BCKDHB: variants seen among roughly 807,000 people sequenced by gnomAD.
BCKDHB encodes 2-oxoisovalerate dehydrogenase subunit beta, mitochondrial.
BCKDHB carries 41 observed loss-of-function variants against 48.5 expected under a neutral mutation model. That is an observed-to-expected ratio of 0.85 (90% CI 0.66 to 1.10). The LOEUF is 1.10. Ranked by LOEUF, BCKDHB falls within the 50% of genes least tolerant of loss-of-function variation. BCKDHB has a pLI of 0.00. For missense variants in BCKDHB, 496 were observed against 494.2 expected (o/e 1.00, Z -0.03); for synonymous variants, 201 against 174.8 (o/e 1.15, Z -1.18).
chr6:80,206,888 A>T (rs1369105488), intron 8 of BCKDHB, among the ~76,000 whole-genome samples: 1 of 152,076 alleles, frequency 6.6e-6, no homozygotes, highest in African/African-American at 2.4e-5. Flanking sequence ...AAGCTTTGTT[A>T]ACTTTTAAGA....
intron 6 of BCKDHB, among the ~76,000 whole-genome samples, chr6:80,198,645 T>A (rs2127819093): frequency 6.6e-6 from 1 of 152,264 alleles, no homozygotes. Flanking sequence ...GGAAATATGG[T>A]CAAGTATATT....
At chr6:80,415,656 TGCTGGATTC>T in the BCKDHB span, among the ~76,000 whole-genome samples, 1 of 152,178 alleles carries the variant, frequency 6.6e-6, no homozygotes. Flanking sequence ...TTTGGTGTGT[TGCTGGATTC>T]GCCAGGCCAG....
chr6:80,365,070 G>A, the BCKDHB span, among the ~76,000 whole-genome samples: 1 of 151,872 alleles, frequency 6.6e-6, no homozygotes, highest in Non-Finnish European at 1.5e-5. Context: ...TGCTTCAAAG[G>A]GCAAAAAGCA....
At chr6:80,307,771 A>C (rs1481529403) in intron 9 of BCKDHB, 3 of 983,312 alleles carry the variant, frequency 3.1e-6, no homozygotes, top group African/African-American at 1.7e-5. Flanking sequence ...TGAAGCACAC[A>C]CTTCATAATG....
chr6:80,294,610 G>A (rs1006540933), intron 9 of BCKDHB, among the ~76,000 whole-genome samples: 3 of 152,122 alleles, frequency 2.0e-5, no homozygotes, highest in Admixed American at 2.0e-4. Flanking sequence ...CCTGGGGGAG[G>A]TCTATAAACG....
chr6:80,381,742 T>C, the BCKDHB span, among the ~76,000 whole-genome samples: 1 of 152,138 alleles, frequency 6.6e-6, no homozygotes, highest in Non-Finnish European at 1.5e-5. Context: ...GCCACAATGT[T>C]TCTTCTTTAT....
At chr6:80,352,954 C>T in the BCKDHB span, among the ~76,000 whole-genome samples, 4 of 152,194 alleles carry the variant, frequency 2.6e-5, no homozygotes, top group East Asian at 7.8e-4. Flanking sequence ...AATTTTGTTA[C>T]ATGCATAGCT....
At chr6:80,256,173 T>C (rs970894217) in intron 8 of BCKDHB, among the ~76,000 whole-genome samples, 1 of 152,200 alleles carries the variant, frequency 6.6e-6, no homozygotes, top group African/African-American at 2.4e-5. Flanking sequence ...GTCACATTTA[T>C]ATGTATTGGC....
At chr6:80,343,131 G>C (rs988844785) in intron 9 of BCKDHB, among the ~76,000 whole-genome samples, 6 of 152,208 alleles carry the variant, frequency 3.9e-5, no homozygotes, top group Admixed American at 3.9e-4. Context: ...CTTGGGGTGT[G>C]AGTGGCCAGA....
chr6:80,441,673 A>G, the BCKDHB span, among the ~76,000 whole-genome samples: 1 of 152,058 alleles, frequency 6.6e-6, no homozygotes, highest in African/African-American at 2.4e-5. Flanking sequence ...CTGTGGTCTC[A>G]TGTCTTTCCC....
rs147141909 is a variant in BCKDHB at position 80,161,698 on chromosome 6, C to T, written c.344-5980C>T. ...TATTCTGGCTTCTCAGCTTCTTATC[C>T]TTTTCTTCTCTGGTGATCTTATCCT... On this transcript the variant is annotated intron_variant, in intron 3 of 9. Coordinates refer to ENST00000320393, the MANE Select transcript of BCKDHB (RefSeq NM_183050.4). Among the ~76,000 whole-genome samples the T allele has an allele frequency of 1.7e-3, 264 of 152,280 alleles. 1 individual carries two copies. The highest frequency in any genetic ancestry group is 6.0e-3 in the African/African-American group (250 of 41,560).
At chr6:80,269,916 A>G (rs910080099) in intron 8 of BCKDHB, among the ~76,000 whole-genome samples, 1 of 152,094 alleles carries the variant, frequency 6.6e-6, no homozygotes, top group Non-Finnish European at 1.5e-5. Context: ...TGACAGTTAC[A>G]TATTATTTTG....
intron 9 of BCKDHB, among the ~76,000 whole-genome samples, chr6:80,311,409 A>G (rs930192591): frequency 2.0e-5 from 3 of 152,136 alleles, no homozygotes; most frequent in Non-Finnish European, 4.4e-5. Flanking sequence ...TACTCTGTTG[A>G]TGGTTCCTTT....
At chr6:80,417,063 T>C in the BCKDHB span, among the ~76,000 whole-genome samples, 2 of 152,208 alleles carry the variant, frequency 1.3e-5, no homozygotes, top group Non-Finnish European at 2.9e-5. Flanking sequence ...ATATTTAAGA[T>C]ACTTAGATGA....
At chr6:80,122,966 C>T (rs891057403) in intron 1 of BCKDHB, among the ~76,000 whole-genome samples, 12 of 137,532 alleles carry the variant, frequency 8.7e-5, no homozygotes, top group Admixed American at 7.9e-4. Flanking sequence ...GGCCTTCCCC[C>T]CCTCCCCCCC....
chr6:80,270,881 T>G (rs1374945976), intron 8 of BCKDHB, among the ~76,000 whole-genome samples: 1 of 152,140 alleles, frequency 6.6e-6, no homozygotes, highest in Admixed American at 6.6e-5. Context: ...AAAAACATTA[T>G]TATGTTTTTT....
chr6:80,213,010 C>A (rs1366026977), intron 8 of BCKDHB, among the ~76,000 whole-genome samples: 1 of 152,138 alleles, frequency 6.6e-6, no homozygotes, highest in African/African-American at 2.4e-5. Flanking sequence ...CAAAAATTCC[C>A]AGTACCTGCA....
At chr6:80,205,103 GT>G (rs1319891014) in intron 8 of BCKDHB, among the ~76,000 whole-genome samples, 2 of 151,904 alleles carry the variant, frequency 1.3e-5, no homozygotes, top group Non-Finnish European at 2.9e-5. Context: ...GCTGATGATG[GT>G]ACCTCTCCTG....
the BCKDHB span, among the ~76,000 whole-genome samples, chr6:80,422,447 G>T: frequency 3.3e-5 from 5 of 152,196 alleles, no homozygotes; most frequent in Non-Finnish European, 7.3e-5. Context: ...CCCCAATGGG[G>T]CACTGCCTAG....
Sources: gnomAD v4.1 joint callset for allele counts (sites outside exome capture counted in the v4.1 genomes callset) on GRCh38, gnomAD v4.1.1 for gene constraint, MANE v1.5 for transcripts, NCBI Gene and HGNC (gene_info 2026-07-23, HGNC 2026-07-21) for gene names.